The following ELAVL2 variants were observed in gnomAD, a reference collection of about 807,000 sequenced individuals.
ELAVL2 encodes the protein ELAV-like protein 2.
Under a neutral mutation model 34.6 loss-of-function variants are expected in ELAVL2, and 4 were observed. The ratio of observed to expected loss-of-function variants is 0.12; its 90% CI spans 0.06 to 0.26. ELAVL2 has a LOEUF of 0.26. Ranked by LOEUF, ELAVL2 falls within the 10% of genes least tolerant of loss-of-function variation. ELAVL2 has a pLI of 1.00. For missense variants in ELAVL2, 432 were observed against 442.8 expected (o/e 0.98, Z 0.22); for synonymous variants, 193 against 154.8 (o/e 1.25, Z -1.83).
At chr9:23,828,450 T>C (rs942543739), upstream of ELAVL2, among the ~76,000 whole-genome samples, 1 of 152,186 alleles carries the variant, frequency 6.6e-6, no homozygotes, top group Non-Finnish European at 1.5e-5. Context: ...GACTTGTAGA[T>C]AACTGTGATA....
chr9:23,816,698 T>C (rs964100626), intron 1 of ELAVL2, among the ~76,000 whole-genome samples: 3 of 152,082 alleles, frequency 2.0e-5, no homozygotes, highest in South Asian at 4.2e-4. Flanking sequence ...TAGCAGTCTA[T>C]GGTAAGAGAC....
At chr9:23,739,811 C>A (rs548166222) in intron 2 of ELAVL2, among the ~76,000 whole-genome samples, 57 of 152,136 alleles carry the variant, frequency 3.7e-4, no homozygotes, top group African/African-American at 1.2e-3. Context: ...ACACCCCCCC[C>A]ACTAAGCAGT....
intron 2 of ELAVL2, among the ~76,000 whole-genome samples, chr9:23,750,637 A>G (rs1157024637): frequency 6.6e-6 from 1 of 152,184 alleles, no homozygotes; most frequent in African/African-American, 2.4e-5. Context: ...GGATTTGGGA[A>G]GTCATTTAGG....
intron 2 of ELAVL2, among the ~76,000 whole-genome samples, chr9:23,755,476 G>A (rs1465501113): frequency 3.3e-5 from 5 of 152,004 alleles, no homozygotes; most frequent in African/African-American, 4.8e-5. Context: ...AAGACCTTTG[G>A]CAAAGAAACA....
intron 3 of ELAVL2, among the ~76,000 whole-genome samples, chr9:23,719,107 A>G (rs2043030645): frequency 6.6e-6 from 1 of 152,200 alleles, no homozygotes; most frequent in South Asian, 2.1e-4. Flanking sequence ...GAGGAGGGGA[A>G]CTACCACCTT....
At chr9:23,802,969 A>G (rs2137720810) in intron 1 of ELAVL2, among the ~76,000 whole-genome samples, 1 of 152,230 alleles carries the variant, frequency 6.6e-6, no homozygotes, top group South Asian at 2.1e-4. Flanking sequence ...ATAACAAACA[A>G]AAGGTCCTGG....
At chr9:23,699,998 CAACAT>C (rs1216222691) in intron 5 of ELAVL2, among the ~76,000 whole-genome samples, 1 of 151,892 alleles carries the variant, frequency 6.6e-6, no homozygotes, top group African/African-American at 2.4e-5. Flanking sequence ...ATATCTCAAG[CAACAT>C]AATTTAGTAT....
chr9:23,827,370 AT>A (rs2065354546), upstream of ELAVL2, among the ~76,000 whole-genome samples: 1 of 152,178 alleles, frequency 6.6e-6, no homozygotes, highest in South Asian at 2.1e-4. Context: ...TTTATGCATG[AT>A]AATTGTTTCT....
chr9:23,847,605 A>T, the ELAVL2 span, among the ~76,000 whole-genome samples: 1 of 152,156 alleles, frequency 6.6e-6, no homozygotes, highest in African/African-American at 2.4e-5. Context: ...TAGAACACTT[A>T]TAATTTTGGT....
chr9:23,764,217 A>G (rs947954740), intron 1 of ELAVL2, among the ~76,000 whole-genome samples: 1 of 152,218 alleles, frequency 6.6e-6, no homozygotes, highest in Non-Finnish European at 1.5e-5. Flanking sequence ...GGATGGGTGT[A>G]GAAACTACAA....
intron 3 of ELAVL2, among the ~76,000 whole-genome samples, chr9:23,716,662 C>T (rs1018580943): frequency 6.6e-6 from 1 of 152,106 alleles, no homozygotes; most frequent in South Asian, 2.1e-4. Flanking sequence ...ACAAAAATCC[C>T]GTTGCCCTCA....
At chr9:23,813,479 A>G (rs2063298443) in intron 1 of ELAVL2, among the ~76,000 whole-genome samples, 1 of 151,778 alleles carries the variant, frequency 6.6e-6, no homozygotes, top group African/African-American at 2.4e-5. Flanking sequence ...AACATCAGCA[A>G]TGAGGTTAGC....
the ELAVL2 span, chr9:23,832,078 G>T: frequency 6.6e-6 from 1 of 152,158 alleles, no homozygotes; most frequent in Non-Finnish European, 1.5e-5. Context: ...AGAGGAAGTG[G>T]ATATCAAATG....
intron 1 of ELAVL2, among the ~76,000 whole-genome samples, chr9:23,784,790 C>G (rs932834595): frequency 5.3e-5 from 8 of 152,128 alleles, no homozygotes; most frequent in Admixed American, 1.3e-4. Flanking sequence ...ACTTTTTAAT[C>G]AGAATTTATG....
In ELAVL2 at chr9:23,731,009, A is replaced by T; in HGVS notation, c.333+13T>A. The T allele has an allele frequency of 6.2e-7, 1 of 1,601,548 alleles. No homozygotes were observed. Among genetic ancestry groups the T allele is most frequent in the Non-Finnish European group, 8.5e-7 (1 of 1,174,972 alleles). On this transcript the variant is annotated intron_variant, in intron 3 of 6. Coordinates refer to ENST00000397312, the MANE Select transcript of ELAVL2 (RefSeq NM_004432.5). Reference sequence around the variant, plus strand: ...CTGTTCCGCAAGTAGATATAAAAAAACTTTAAACATACTTTTATTGTTTTG... The same window carrying T: ...CTGTTCCGCAAGTAGATATAAAAAATCTTTAAACATACTTTTATTGTTTTG...
At chr9:23,753,037 G>A (rs1013003721) in intron 2 of ELAVL2, among the ~76,000 whole-genome samples, 4 of 152,130 alleles carry the variant, frequency 2.6e-5, no homozygotes, top group Non-Finnish European at 5.9e-5. Flanking sequence ...AATAAAAGGG[G>A]CATCCAAGGG....
At chr9:23,791,613 C>G (rs2060329904) in intron 1 of ELAVL2, among the ~76,000 whole-genome samples, 1 of 150,242 alleles carries the variant, frequency 6.7e-6, no homozygotes, top group African/African-American at 2.4e-5. Context: ...AATGAGGTCA[C>G]AAGTATGGGG....
chr9:23,840,982 C>G, the ELAVL2 span, among the ~76,000 whole-genome samples: 1 of 152,092 alleles, frequency 6.6e-6, no homozygotes, highest in East Asian at 1.9e-4. Flanking sequence ...AGTTACTCAC[C>G]ATGATTGTCT....
At chr9:23,836,878 C>T in the ELAVL2 span, among the ~76,000 whole-genome samples, 4 of 152,102 alleles carry the variant, frequency 2.6e-5, no homozygotes, top group Non-Finnish European at 4.4e-5. Context: ...CTATTAGAAA[C>T]AGGATACACC....
Sources: gnomAD v4.1 joint callset for allele counts (sites outside exome capture counted in the v4.1 genomes callset) on GRCh38, gnomAD v4.1.1 for gene constraint, MANE v1.5 for transcripts, NCBI Gene and HGNC (gene_info 2026-07-23, HGNC 2026-07-21) for gene names.